RGS17: variants seen among roughly 807,000 people sequenced by gnomAD.
RGS17 encodes the protein regulator of G-protein signaling 17.
RGS17 carries 12 observed loss-of-function variants against 25.5 expected under a neutral mutation model. That is an observed-to-expected ratio of 0.47 (90% CI 0.30 to 0.76). The LOEUF (loss-of-function observed/expected upper bound fraction) is 0.76. RGS17 is among the 30% of genes least tolerant of loss of function. The pLI, the probability that RGS17 is intolerant of heterozygous loss-of-function variation, is 0.07. For synonymous variants in RGS17, 71 were observed against 76.9 expected (o/e 0.92, Z 0.40); for missense variants, 196 against 242.2 (o/e 0.81, Z 1.27).
intron 1 of RGS17, among the ~76,000 whole-genome samples, chr6:153,103,358 C>G (rs781401843): frequency 6.6e-6 from 1 of 152,076 alleles, no homozygotes; most frequent in Non-Finnish European, 1.5e-5. Context: ...ACCACTGATA[C>G]GATAGTTATA....
At chr6:153,095,125 T>C (rs1310445159) in intron 1 of RGS17, among the ~76,000 whole-genome samples, 3 of 152,102 alleles carry the variant, frequency 2.0e-5, no homozygotes, top group African/African-American at 4.8e-5. Context: ...TTGGGAAAAA[T>C]AGAAATTTAA....
chr6:153,097,504 C>G (rs1777235807), intron 1 of RGS17, among the ~76,000 whole-genome samples: 1 of 151,778 alleles, frequency 6.6e-6, no homozygotes, highest in African/African-American at 2.4e-5. Context: ...GACTAAAGAA[C>G]AGTAAGTTCA....
intron 4 of RGS17, among the ~76,000 whole-genome samples, chr6:153,013,018 A>G (rs920684494): frequency 6.6e-6 from 1 of 152,044 alleles, no homozygotes; most frequent in Non-Finnish European, 1.5e-5. Context: ...TCTGTGGCTT[A>G]GCCAGACCAA....
intron 1 of RGS17, among the ~76,000 whole-genome samples, chr6:153,093,803 T>C (rs1162178977): frequency 6.6e-6 from 1 of 152,152 alleles, no homozygotes; most frequent in African/African-American, 2.4e-5. Flanking sequence ...GAAAAGATCA[T>C]TGATCTTGCA....
chr6:153,013,730 T>C (rs1584116979), intron 4 of RGS17, among the ~76,000 whole-genome samples: 1 of 152,206 alleles, frequency 6.6e-6, no homozygotes, highest in African/African-American at 2.4e-5. Flanking sequence ...GTGGTCTGGA[T>C]AGAAGATCAA....
chr6:153,020,211 T>C (rs1221604545), intron 4 of RGS17, among the ~76,000 whole-genome samples: 6 of 134,828 alleles, frequency 4.5e-5, no homozygotes, highest in Non-Finnish European at 9.3e-5. Flanking sequence ...TGGAGTGCAG[T>C]GGCACGATCT....
In RGS17 at chr6:153,030,503, T is replaced by C. The variant is rs1430113920; in HGVS notation, c.120-3960A>G. Among the ~76,000 whole-genome samples, 5 of 152,186 alleles carry C rather than the reference T, an allele frequency of 3.3e-5. No individual in the cohort carries two copies. In the East Asian group the frequency reaches 9.6e-4, roughly 29 times the overall value. On this transcript the variant is annotated intron_variant, in intron 2 of 4. Coordinates refer to ENST00000206262, the MANE Select transcript of RGS17 (RefSeq NM_012419.5). ...TGCCTAAATTTAATACAGTGTGACA[T>C]CAAGGCTCCAAGAGAGAACTACTGT...
At position 153,125,403 on chromosome 6, in the gene RGS17, G is replaced by A. The variant is rs79549812; in HGVS notation, c.-26+5721C>T. On this transcript the variant is annotated intron_variant, in intron 1 of 4. Transcript: ENST00000206262. ...CTTCTATAATTTCATGAAAAAGCCT[G>A]CATATCTAATAAATAGTAGAGTAAA... is the stretch of plus-strand genomic sequence containing the variant. Among the ~76,000 whole-genome samples the A allele has an allele frequency of 5.3e-3, 801 of 152,266 alleles. 7 individuals carry two copies. Among genetic ancestry groups the A allele is most frequent in the South Asian group, 0.017 (82 of 4,830 alleles).
At chr6:153,080,300 C>A (rs1053894139) in intron 1 of RGS17, among the ~76,000 whole-genome samples, 6 of 152,260 alleles carry the variant, frequency 3.9e-5, no homozygotes, top group Non-Finnish European at 7.4e-5. Context: ...ATTTTGATGT[C>A]TTTCAAGAAA....
At chr6:153,072,359 T>C (rs944235500) in intron 1 of RGS17, among the ~76,000 whole-genome samples, 2 of 152,138 alleles carry the variant, frequency 1.3e-5, no homozygotes, top group African/African-American at 4.8e-5. Flanking sequence ...GTTACCCAGT[T>C]GGGTAGAAAT....
chr6:153,092,201 G>A (rs1217539148), intron 1 of RGS17, among the ~76,000 whole-genome samples: 4 of 152,156 alleles, frequency 2.6e-5, no homozygotes, highest in Non-Finnish European at 5.9e-5. Flanking sequence ...CAAGTCCTGT[G>A]TTCAAATTTT....
chr6:153,044,033 G>T lies in RGS17; in HGVS notation c.-15C>A. On this transcript the variant is annotated 5_prime_UTR_variant, in exon 2 of 5. Transcript: ENST00000206262. ...CTTTTTCGCATTTCAGCTACTTCAG[G>T]ACCCAGTTGGCTGAAAGAGATAAAA... 4 of 1,541,342 alleles carry T rather than the reference G, an allele frequency of 2.6e-6. No homozygotes were observed. The highest frequency in any genetic ancestry group is 3.6e-6 in the Non-Finnish European group (4 of 1,116,460).
At chr6:153,025,127 T>C (rs930841252) in intron 3 of RGS17, among the ~76,000 whole-genome samples, 8 of 148,088 alleles carry the variant, frequency 5.4e-5, no homozygotes, top group African/African-American at 1.8e-4. Context: ...CTGGGAAACA[T>C]AGCAAGATCC....
In RGS17 at chr6:153,053,913, TTATA is replaced by T. The variant is rs202172532; in HGVS notation, c.-25-9874_-25-9871del. Among the ~76,000 whole-genome samples the T allele has an allele frequency of 2.0e-5, 2 of 97,908 alleles. 1 individual carries two copies. Among genetic ancestry groups the T allele is most frequent in the Non-Finnish European group, 3.7e-5 (2 of 54,724 alleles). 64.2% of individuals were successfully genotyped at this position (97,908 alleles called of 152,430 possible). A position where few individuals can be genotyped will look rare whatever the true frequency, so the allele number is the denominator to read the frequency against. ...TTTTTCACATACATACATACACACATTATATATATATGTATATATATGTATATAT... is the reference window on the plus strand; with the variant it reads ...TTTTTCACATACATACATACACACATTATATATGTATATATATGTATATAT... On this transcript the variant is annotated intron_variant, in intron 1 of 4. Coordinates refer to ENST00000206262, the MANE Select transcript of RGS17 (RefSeq NM_012419.5).
At position 153,006,009 on chromosome 6, in the gene RGS17, A is replaced by C. The variant is rs1364908643; in HGVS notation, c.*5565T>G. ...TTTAATGGACACATTACTATTTTAA[A>C]TTTTATACATTTTATTTTTTTCTTA... On this transcript the variant is annotated 3_prime_UTR_variant, in exon 5 of 5. Coordinates refer to ENST00000206262, the MANE Select transcript of RGS17 (RefSeq NM_012419.5). The C allele has an allele frequency of 6.6e-6, 1 of 152,150 alleles. No homozygotes were observed. The highest frequency in any genetic ancestry group is 1.9e-4 in the East Asian group (1 of 5,194). 9.4% of individuals were successfully genotyped at this position (152,150 alleles called of 1,614,324 possible).
chr6:153,066,767 C>T (rs564748272), intron 1 of RGS17, among the ~76,000 whole-genome samples: 21 of 152,170 alleles, frequency 1.4e-4, no homozygotes, highest in South Asian at 2.1e-4. Flanking sequence ...GTCAGCTGGG[C>T]GCGGTGGCTC....
intron 1 of RGS17, among the ~76,000 whole-genome samples, chr6:153,079,574 CTTTT>C (rs1776941998): frequency 6.6e-6 from 1 of 151,954 alleles, no homozygotes; most frequent in Non-Finnish European, 1.5e-5. Context: ...ATATGGCTTT[CTTTT>C]TTATTTCACT....
At chr6:153,064,629 C>CAA (rs150796540) in intron 1 of RGS17, among the ~76,000 whole-genome samples, 101 of 140,988 alleles carry the variant, frequency 7.2e-4, no homozygotes, top group Middle Eastern at 3.8e-3. Context: ...GACTACATCT[C>CAA]AAAAAAAAAA....
chr6:153,102,677 T>G (rs971388529), intron 1 of RGS17, among the ~76,000 whole-genome samples: 1 of 152,196 alleles, frequency 6.6e-6, no homozygotes, highest in Non-Finnish European at 1.5e-5. Flanking sequence ...TAATCACAGT[T>G]GTCAACTGAG....
Sources: allele counts gnomAD v4.1 joint callset (sites outside exome capture counted in the v4.1 genomes callset), GRCh38; gene constraint gnomAD v4.1.1; transcripts MANE v1.5; gene names NCBI Gene and HGNC (gene_info 2026-07-23, HGNC 2026-07-21).